HELZ: variants seen among roughly 807,000 people sequenced by gnomAD.
The protein encoded by HELZ is ATP-dependent RNA helicase with zinc finger domain.
A neutral mutation model predicts 218.2 loss-of-function variants in HELZ; 23 were observed. The ratio of observed to expected loss-of-function variants is 0.11; its 90% CI spans 0.08 to 0.15. HELZ has a LOEUF of 0.15. Among genes scored for constraint, HELZ ranks in the 10% least tolerant of loss-of-function variants. HELZ has a pLI of 1.00. For synonymous variants in HELZ, 814 were observed against 829.4 expected (o/e 0.98, Z 0.32); for missense variants, 1,813 against 2,353.7 (o/e 0.77, Z 4.75).
intron 28 of HELZ, 137 bp downstream of exon 28, chr17:67,114,187 G>T: frequency 1.6e-6 from 1 of 613,314 alleles, no homozygotes; most frequent in Non-Finnish European, 2.9e-6. Flanking sequence ...AGGCAATATG[G>T]CTCACTATAT....
intron 12 of HELZ, among the ~76,000 whole-genome samples, chr17:67,181,319 G>A (rs1463322294): frequency 6.6e-6 from 1 of 152,080 alleles, no homozygotes; most frequent in Non-Finnish European, 1.5e-5. Flanking sequence ...AGCTTTCCCT[G>A]GAAAATGCTT....
At chr17:67,184,620 GAGA>G (rs2039702301) in intron 12 of HELZ, among the ~76,000 whole-genome samples, 1 of 152,002 alleles carries the variant, frequency 6.6e-6, no homozygotes, top group African/African-American at 2.4e-5. Flanking sequence ...GCAACACAGA[GAGA>G]CCTTGTCTCT....
intron 7 of HELZ, among the ~76,000 whole-genome samples, chr17:67,197,229 C>T (rs2040054623): frequency 6.6e-6 from 1 of 152,094 alleles, no homozygotes; most frequent in African/African-American, 2.4e-5. Context: ...AGGGGAAACC[C>T]CTTTCACTTG....
intron 28 of HELZ, among the ~76,000 whole-genome samples, chr17:67,113,327 T>C (rs1199765698): frequency 1.3e-5 from 2 of 152,100 alleles, no homozygotes; most frequent in Non-Finnish European, 2.9e-5. Context: ...TGGCGTGATC[T>C]TGGCTCACTG....
chr17:67,153,165 T>A (rs1330984330), intron 17 of HELZ, among the ~76,000 whole-genome samples: 1 of 152,052 alleles, frequency 6.6e-6, no homozygotes, highest in African/African-American at 2.4e-5. Context: ...CTGATGCAGG[T>A]CGGGTGAAGG....
chr17:67,150,953 C>A, intron 18 of HELZ, 93 bp downstream of exon 18: 1 of 996,444 alleles, frequency 1.0e-6, no homozygotes, highest in South Asian at 1.7e-5. Context: ...GTCAGTGAGC[C>A]AGATTTGGCC....
chr17:67,244,643 G>A (rs771032447), intron 1 of HELZ: 2 of 961,672 alleles, frequency 2.1e-6, no homozygotes, highest in Admixed American at 6.2e-5. Context: ...GAGGGAGGGG[G>A]CGCACGCCTG....
chr17:67,152,867 T>C (rs1184172238), intron 17 of HELZ, among the ~76,000 whole-genome samples: 1 of 147,144 alleles, frequency 6.8e-6, no homozygotes, highest in Admixed American at 6.8e-5. Context: ...AGCAAAGAAA[T>C]AGGAGAGAAT....
intron 7 of HELZ, among the ~76,000 whole-genome samples, chr17:67,197,191 A>C (rs913946646): frequency 1.3e-5 from 2 of 152,160 alleles, no homozygotes; most frequent in Non-Finnish European, 2.9e-5. Flanking sequence ...GGTAGTGAGT[A>C]AGTCTGATAA....
chr17:67,166,892 TTG>T (rs2039162366), intron 14 of HELZ, among the ~76,000 whole-genome samples: 1 of 152,234 alleles, frequency 6.6e-6, no homozygotes, highest in Non-Finnish European at 1.5e-5. Flanking sequence ...ATTGACATAT[TTG>T]TAAGTTACCT....
intron 17 of HELZ, among the ~76,000 whole-genome samples, chr17:67,158,725 T>G (rs954355712): frequency 6.6e-6 from 1 of 152,124 alleles, no homozygotes; most frequent in Non-Finnish European, 1.5e-5. Flanking sequence ...AGGGCGAGTC[T>G]CGATACTTGG....
intron 12 of HELZ, among the ~76,000 whole-genome samples, chr17:67,185,692 C>A (rs1432151985): frequency 6.6e-6 from 1 of 152,128 alleles, no homozygotes; most frequent in Non-Finnish European, 1.5e-5. Context: ...TGTCTTTAAA[C>A]AAATTTCACT....
At position 67,175,587 on chromosome 17, in the gene HELZ, C is replaced by T. The variant is rs192319397; in HGVS notation, c.1430+3072G>A. On this transcript the variant is annotated intron_variant, in intron 13 of 32. Transcript: ENST00000358691. ...CTTGCTTATAGATGCATTCTGAGAA[C>T]TCTATCTAATTATTATAGGATCTGT... Among the ~76,000 whole-genome samples the T allele has an allele frequency of 7.0e-4, 106 of 152,278 alleles. 1 individual carries two copies. The highest frequency in any genetic ancestry group is 5.0e-3 in the East Asian group (26 of 5,182).
chr17:67,087,292 T>C (rs1157701628), intron 31 of HELZ, among the ~76,000 whole-genome samples: 4 of 152,302 alleles, frequency 2.6e-5, no homozygotes, highest in Admixed American at 6.5e-5. Context: ...TCAGAAGACC[T>C]GGGCTCAAAA....
At chr17:67,192,972 TTATC>T (rs760708458) in intron 9 of HELZ, among the ~76,000 whole-genome samples, 6 of 152,162 alleles carry the variant, frequency 3.9e-5, no homozygotes, top group Admixed American at 2.0e-4. Context: ...TAACATTTCT[TTATC>T]TATTTTATGC....
intron 23 of HELZ, among the ~76,000 whole-genome samples, chr17:67,131,592 T>TTTACC (rs2037986542): frequency 6.6e-6 from 1 of 151,906 alleles, no homozygotes; most frequent in Non-Finnish European, 1.5e-5. Flanking sequence ...AGCAAAATGG[T>TTTACC]AAAGCACATG....
chr17:67,227,195 C>CTTT (rs879422345), intron 3 of HELZ, among the ~76,000 whole-genome samples: 1 of 140,550 alleles, frequency 7.1e-6, no homozygotes, highest in Non-Finnish European at 1.6e-5. Flanking sequence ...TCACATTTGA[C>CTTT]TTTTTTTTTT....
chr17:67,106,156 A>G (rs1474700256), intron 31 of HELZ, among the ~76,000 whole-genome samples: 2 of 151,982 alleles, frequency 1.3e-5, no homozygotes, highest in Non-Finnish European at 2.9e-5. Flanking sequence ...ATCTTTAATC[A>G]CTGCAAATTT....
chr17:67,183,214 T>C (rs2039660486), intron 12 of HELZ, among the ~76,000 whole-genome samples: 1 of 152,172 alleles, frequency 6.6e-6, no homozygotes. Context: ...CAGTGATCCA[T>C]TTCTATATCC....
Sources: allele counts gnomAD v4.1 joint callset (sites outside exome capture counted in the v4.1 genomes callset), GRCh38; gene constraint gnomAD v4.1.1; transcripts MANE v1.5; gene names NCBI Gene and HGNC (gene_info 2026-07-23, HGNC 2026-07-21).